The following HMGN5 variants were observed in gnomAD, a reference collection of about 807,000 sequenced individuals.
HMGN5 encodes high mobility group nucleosome-binding domain-containing protein 5.
HMGN5 carries 4 observed loss-of-function variants against 9.5 expected under a neutral mutation model. That is an observed-to-expected ratio of 0.42 (90% CI 0.21 to 0.96). The LOEUF is 0.96. Among genes scored for constraint, HMGN5 ranks in the 40% least tolerant of loss-of-function variants. The pLI is 0.30. For missense variants in HMGN5, 192 were observed against 187.5 expected, an observed-to-expected ratio of 1.02 and a Z score of -0.14; for synonymous variants, 55 against 57.1, an observed-to-expected ratio of 0.96 and a Z score of 0.16.
chrX:81,182,620 C>T (rs2075466036), intron 1 of HMGN5, among the ~76,000 whole-genome samples: 1 of 112,242 alleles, frequency 8.9e-6, no homozygotes, highest in Non-Finnish European at 1.9e-5. Flanking sequence ...TTGCCTTCTG[C>T]CATGAGTAAA....
At chrX:81,181,927 G>A (rs892202711) in intron 1 of HMGN5, among the ~76,000 whole-genome samples, 1 of 111,857 alleles carries the variant, frequency 8.9e-6, no homozygotes, top group African/African-American at 3.2e-5. Flanking sequence ...ATATCTCTTC[G>A]ATATACTGAT....
chrX:81,134,031 CAGG>C (rs1333580791), intron 1 of HMGN5, among the ~76,000 whole-genome samples: 1 of 110,587 alleles, frequency 9.0e-6, no homozygotes, highest in Non-Finnish European at 1.9e-5. Context: ...GTTTGTTTTC[CAGG>C]AGTACAATAA....
rs763229247 is a variant in HMGN5, at chrX:81,136,255, G to A, written c.-123-14583C>T. Among the ~76,000 whole-genome samples, 4 of 112,101 alleles carry A rather than the reference G, an allele frequency of 3.6e-5. No homozygotes were observed. The East Asian group carries it at 1.1e-3, about 31-fold the overall frequency. ...TGAGTGAATTATATGGTATCTGTAT[G>A]ATTTCTTACTAAAGCTGTTAAAAAT... is the stretch of plus-strand genomic sequence containing the variant. On this transcript the variant is annotated intron_variant, in intron 1 of 6. Transcript: ENST00000358130.
chrX:81,126,694 C>G (rs952129376), intron 1 of HMGN5, among the ~76,000 whole-genome samples: 8 of 111,424 alleles, frequency 7.2e-5, no homozygotes, highest in African/African-American at 2.3e-4. Flanking sequence ...AACTTTCTTA[C>G]TTTATAAGAT....
chrX:81,199,530 T>C (rs1406683190), intron 1 of HMGN5, among the ~76,000 whole-genome samples: 1 of 111,397 alleles, frequency 9.0e-6, no homozygotes, highest in African/African-American at 3.3e-5. Flanking sequence ...CCAAAACAGA[T>C]ATATAGACCA....
At chrX:81,120,802 A>G (rs2147537890) in intron 2 of HMGN5, among the ~76,000 whole-genome samples, 1 of 111,343 alleles carries the variant, frequency 9.0e-6, no homozygotes, top group Non-Finnish European at 1.9e-5. Flanking sequence ...TGGAGCTCGA[A>G]AGGCTCAGAT....
chrX:81,124,581 G>A (rs1262053359), intron 1 of HMGN5, among the ~76,000 whole-genome samples: 3 of 111,818 alleles, frequency 2.7e-5, no homozygotes, highest in African/African-American at 9.7e-5. Context: ...GGTCAAACTT[G>A]TATATACTTA....
chrX:81,142,113 A>T (rs770939209), intron 1 of HMGN5, among the ~76,000 whole-genome samples: 49 of 112,094 alleles, frequency 4.4e-4, no homozygotes, highest in Middle Eastern at 4.6e-3. Flanking sequence ...CAACCAGAAG[A>T]AACAATTAGT....
intron 1 of HMGN5, among the ~76,000 whole-genome samples, chrX:81,197,398 G>A (rs772200114): frequency 8.9e-6 from 1 of 112,150 alleles, no homozygotes; most frequent in Admixed American, 9.5e-5. Flanking sequence ...GTAGTGTTTT[G>A]TAGGTAAATA....
At chrX:81,185,617 T>A (rs1728052295) in intron 1 of HMGN5, among the ~76,000 whole-genome samples, 1 of 111,592 alleles carries the variant, frequency 9.0e-6, no homozygotes, top group Non-Finnish European at 1.9e-5. Flanking sequence ...GTTCCTCTTT[T>A]CTGATTACTC....
chrX:81,163,658 C>T (rs754228760), intron 1 of HMGN5, among the ~76,000 whole-genome samples: 2 of 111,917 alleles, frequency 1.8e-5, no homozygotes, highest in Admixed American at 1.9e-4. Flanking sequence ...TATTCTTCAA[C>T]CTTTCTACCT....
At chrX:81,184,021 T>C (rs149288974) in intron 1 of HMGN5, among the ~76,000 whole-genome samples, 1,281 of 111,745 alleles carry the variant, frequency 0.011, 18 homozygotes, top group African/African-American at 0.039. Context: ...TGAGGGCCTG[T>C]TGGGAAGGCC....
At chrX:81,197,922 A>T (rs1421342832) in intron 1 of HMGN5, 4 of 111,524 alleles carry the variant, frequency 3.6e-5, no homozygotes, top group Non-Finnish European at 5.6e-5. Flanking sequence ...GATCATGCTG[A>T]CTTACTTTTG....
At chrX:81,146,575 A>G (rs1459720707) in intron 1 of HMGN5, among the ~76,000 whole-genome samples, 15 of 112,085 alleles carry the variant, frequency 1.3e-4, no homozygotes, top group Non-Finnish European at 5.6e-5. Flanking sequence ...CCCTAACATC[A>G]CAACTAAAAG....
chrX:81,198,002 G>C (rs1602586381), intron 1 of HMGN5, among the ~76,000 whole-genome samples: 1 of 111,128 alleles, frequency 9.0e-6, no homozygotes, highest in East Asian at 2.8e-4. Context: ...GGAGAGGGCA[G>C]AAAAGGTTAT....
intron 1 of HMGN5, among the ~76,000 whole-genome samples, chrX:81,126,281 C>A (rs1479271934): frequency 9.2e-6 from 1 of 108,974 alleles, no homozygotes. Context: ...ATTTGGTAAA[C>A]ACGAATTATG....
At chrX:81,178,461 A>G (rs1259455288) in intron 1 of HMGN5, among the ~76,000 whole-genome samples, 3 of 112,051 alleles carry the variant, frequency 2.7e-5, no homozygotes, top group Non-Finnish European at 5.6e-5. Flanking sequence ...AAAATCTACA[A>G]CAAATGGATA....
At chrX:81,119,301 A>G (rs1042970785) in intron 3 of HMGN5, among the ~76,000 whole-genome samples, 1 of 112,041 alleles carries the variant, frequency 8.9e-6, no homozygotes, top group South Asian at 3.7e-4. Context: ...TCGCACAACA[A>G]TGATTCTCGC....
chrX:81,114,700 ATCTTCCTCTTTTCCT>A lies in HMGN5; in HGVS notation c.783_797del (p.Glu261_Glu265del), dbSNP rs1444693146. The A allele has an allele frequency of 8.7e-7, 1 of 1,149,677 alleles. No individual in the cohort carries two copies. The highest frequency in any genetic ancestry group is 1.2e-6 in the Non-Finnish European group (1 of 865,027). The allele number at this position is 1,149,677 out of a possible 1,213,427, so 94.7% of individuals were successfully genotyped here. On this transcript the variant is annotated inframe_deletion, in exon 7 of 7. Coordinates refer to ENST00000358130, the MANE Select transcript of HMGN5 (RefSeq NM_030763.3). ...TTTTTCCATCATCTTCTTTGATCTCATCTTCCTCTTTTCCTTCTTCCTCTTCTTTTAAATCTTCTT... is the reference window on the plus strand; with the variant it reads ...TTTTTCCATCATCTTCTTTGATCTCATCTTCCTCTTCTTTTAAATCTTCTT...
Sources: allele counts gnomAD v4.1 joint callset (sites outside exome capture counted in the v4.1 genomes callset), GRCh38; gene constraint gnomAD v4.1.1; transcripts MANE v1.5; gene names NCBI Gene and HGNC (gene_info 2026-07-23, HGNC 2026-07-21).